The following ZNF572 variants were observed in gnomAD, a reference collection of about 807,000 sequenced individuals.
ZNF572 encodes the protein zinc finger protein 572.
ZNF572 carries 2 observed loss-of-function variants against 3.8 expected under a neutral mutation model. The observed-to-expected ratio is 0.52, with a 90% CI of 0.21 to 1.65. ZNF572 has a LOEUF of 1.65. Among genes scored for constraint, ZNF572 ranks in the 40% most tolerant of loss-of-function variants. The probability of loss-of-function intolerance (pLI) is 0.20; values close to 1 mark genes in which losing one functional copy is unlikely to be tolerated. For missense variants in ZNF572, 581 were observed against 633.4 expected, an observed-to-expected ratio of 0.92 and a Z score of 0.89; for synonymous variants, 187 against 204.5, an observed-to-expected ratio of 0.91 and a Z score of 0.73.
Position 124,977,934 on chromosome 8 carries a change from GCTATAAAGTTT to G in ZNF572, c.*79_*89del. The G allele has an allele frequency of 6.9e-7, 1 of 1,451,080 alleles. No individual in the cohort carries two copies. The highest frequency in any genetic ancestry group is 9.2e-7 in the Non-Finnish European group (1 of 1,089,944). The allele number at this position is 1,451,080 out of a possible 1,614,324, so 89.9% of individuals were successfully genotyped here. The stretch of plus-strand genomic sequence containing the variant: ...AATTTAGGTATTCTGTGATTGTTGT[GCTATAAAGTTT>G]CTTTGATGTGTTTGTCAAAACATTT... On this transcript the variant is annotated 3_prime_UTR_variant, in exon 3 of 3. Transcript: ENST00000319286.
chr8:124,976,931 T>C lies in ZNF572; in HGVS notation c.663T>C (p.Cys221=). 1 of 1,614,092 alleles carries C rather than the reference T, an allele frequency of 6.2e-7. No homozygotes were observed. Among genetic ancestry groups the C allele is most frequent in the Non-Finnish European group, 8.5e-7 (1 of 1,180,010 alleles). Residue 221 remains cysteine (C), a synonymous_variant, in exon 3 of 3, where the codon TGT becomes TGC. Transcript: ENST00000319286. The stretch of plus-strand genomic sequence containing the variant: ...AGAAACCCTACAAATGTCCCGAGTG[T>C]GGGAAGAGATTCAGCAGCAGCTCTC... ...TGEKPYKCPE[C]GKRFSSSSHL...
At chr8:124,974,158 G>T (rs1360866103) in intron 1 of ZNF572, among the ~76,000 whole-genome samples, 2 of 152,120 alleles carry the variant, frequency 1.3e-5, no homozygotes, top group African/African-American at 4.8e-5. Context: ...TTGTTAACAA[G>T]GTTTAGGAAT....
Position 124,977,986 on chromosome 8 carries a change from C to G in ZNF572, c.*128C>G. ...CAAAACATTTGGAAAAAGTCAACCT[C>G]CCAGTTTAAAGGATGGGAAGACCCC... On this transcript the variant is annotated 3_prime_UTR_variant, in exon 3 of 3. Transcript: ENST00000319286. 9.2e-7 allele frequency: 1 copy of G among 1,092,406 alleles called. No homozygotes were observed. Among genetic ancestry groups the G allele is most frequent in the Non-Finnish European group, 1.3e-6 (1 of 790,354 alleles). 67.7% of individuals were successfully genotyped at this position (1,092,406 alleles called of 1,614,324 possible). A position where few individuals can be genotyped will look rare whatever the true frequency, so the allele number is the denominator to read the frequency against.
At chr8:124,974,615 C>T (rs1814481024) in intron 1 of ZNF572, among the ~76,000 whole-genome samples, 1 of 152,174 alleles carries the variant, frequency 6.6e-6, no homozygotes, top group African/African-American at 2.4e-5. Flanking sequence ...TCTTTATATT[C>T]TGAAATGGAT....
chr8:124,976,588 A>G lies in ZNF572; in HGVS notation c.320A>G (p.Asn107Ser), dbSNP rs769438186. ...NFIAKEEEKP[N>S]HQEWDSGEHT... ...ATAGCTAAAGAGGAGGAAAAACCCA[A>G]TCACCAGGAATGGGACTCAGGAGAA... Residue 107 changes from asparagine to serine, a missense_variant, in exon 3 of 3, where the codon AAT becomes AGT. Asn to Ser is a conservative substitution (Grantham distance 46). Transcript: ENST00000319286. The G allele has an allele frequency of 1.2e-6, 2 of 1,614,164 alleles. No homozygotes were observed. Among genetic ancestry groups the G allele is most frequent in the East Asian group, 2.2e-5 (1 of 44,872 alleles).
Position 124,977,848 on chromosome 8 carries a change from C to T in ZNF572, c.1580C>T (p.Ser527Leu). ...PFISSFSVSN[S>L]SS Reference sequence around the variant, plus strand: ...ATCTCTTCATTTTCCGTCTCAAATTCATCTTCCTGAGTCCCAAAGCCTGGT... The same window carrying T: ...ATCTCTTCATTTTCCGTCTCAAATTTATCTTCCTGAGTCCCAAAGCCTGGT... The change falls in exon 3 of 3, where the codon TCA becomes TTA. Residue 527 changes from serine (S) to leucine (L), a missense_variant. By Grantham distance (145) the Ser-to-Leu change is moderately radical. Transcript: ENST00000319286. 6.3e-7 allele frequency: 1 copy of T among 1,578,460 alleles called. No individual in the cohort carries two copies. Among genetic ancestry groups the T allele is most frequent in the South Asian group, 1.2e-5 (1 of 84,644 alleles).
At position 124,977,893 on chromosome 8, in the gene ZNF572, C is replaced by G. The variant is rs1454486482; in HGVS notation, c.*35C>G. ...CCTGGTTGGTGATGGTTTTTTCTTCCTTGTTGGACCATGACAATTTAGGTA... is the reference window on the plus strand; with the variant it reads ...CCTGGTTGGTGATGGTTTTTTCTTCGTTGTTGGACCATGACAATTTAGGTA... On this transcript the variant is annotated 3_prime_UTR_variant, in exon 3 of 3. Coordinates refer to ENST00000319286, the MANE Select transcript of ZNF572 (RefSeq NM_152412.3). 3 of 1,521,720 alleles carry G rather than the reference C, an allele frequency of 2.0e-6. No individual in the cohort carries two copies. The highest frequency in any genetic ancestry group is 2.6e-6 in the Non-Finnish European group (3 of 1,136,924). 94.3% of individuals were successfully genotyped at this position (1,521,720 alleles called of 1,614,324 possible).
chr8:124,974,489 C>T (rs755122413), intron 1 of ZNF572, among the ~76,000 whole-genome samples: 1 of 152,208 alleles, frequency 6.6e-6, no homozygotes. Context: ...CTACCTGGCA[C>T]ATAATAGGCA....
At position 124,977,690 on chromosome 8, in the gene ZNF572, GA is replaced by G. The variant is rs769528074; in HGVS notation, c.1425del (p.Lys475AsnfsTer17). 74 of 1,614,246 alleles carry G rather than the reference GA, an allele frequency of 4.6e-5. No individual in the cohort carries two copies. The highest frequency in any genetic ancestry group is 6.0e-5 in the Non-Finnish European group (71 of 1,180,040). ...EKPYKCTSCE[K>X]CFSRSAYLSQ... is the part of the protein sequence containing the mutation. Reference sequence around the variant, plus strand: ...AACCTTACAAATGTACCAGCTGTGAGAAATGCTTCAGCAGAAGTGCCTACCT... The same window carrying G: ...AACCTTACAAATGTACCAGCTGTGAGAATGCTTCAGCAGAAGTGCCTACCT... On this transcript the variant is annotated frameshift_variant, in exon 3 of 3. Transcript: ENST00000319286. LOFTEE classifies it low-confidence loss of function (END_TRUNC).
chr8:124,974,893 G>A (rs1176167930), intron 1 of ZNF572, among the ~76,000 whole-genome samples: 1 of 151,992 alleles, frequency 6.6e-6, no homozygotes, highest in Non-Finnish European at 1.5e-5. Context: ...GGGTTTCACC[G>A]CATTAGCCAG....
chr8:124,975,821 C>T (rs1221795559), intron 2 of ZNF572, 102 bp downstream of exon 2: 1 of 859,098 alleles, frequency 1.2e-6, no homozygotes, highest in African/African-American at 1.7e-5. Flanking sequence ...TGTTCTGTCA[C>T]TTATAAGCTG....
rs773180411 is a variant in ZNF572, at chr8:124,975,678, A to T, written c.38A>T (p.Asn13Ile). The stretch of plus-strand genomic sequence containing the variant: ...AAAAAACTGTTGGTCTCAGATTCTA[A>T]CAGCTTTATGGAGAGGGAGAGTTTG... ...QEKKLLVSDS[N>I]SFMERESLKS... The change falls in exon 2 of 3, where the codon AAC (asparagine) becomes ATC (isoleucine). Residue 13 changes from asparagine to isoleucine, a missense_variant. Transcript: ENST00000319286. 6.2e-7 allele frequency: 1 copy of T among 1,613,888 alleles called. No individual in the cohort carries two copies. Among genetic ancestry groups the T allele is most frequent in the Non-Finnish European group, 8.5e-7 (1 of 1,179,948 alleles).
intron 1 of ZNF572, among the ~76,000 whole-genome samples, chr8:124,973,768 C>T (rs1347233723): frequency 6.6e-6 from 1 of 152,194 alleles, no homozygotes; most frequent in Non-Finnish European, 1.5e-5. Flanking sequence ...AGTGAAAACA[C>T]TCCTTCCCCG....
In ZNF572 at chr8:124,975,959, A is replaced by T. The variant is rs113653720; in HGVS notation, c.79+240A>T. Among the ~76,000 whole-genome samples the T allele has an allele frequency of 1.8e-3, 270 of 152,300 alleles. 1 individual carries two copies. Among genetic ancestry groups the T allele is most frequent in the African/African-American group, 6.3e-3 (262 of 41,578 alleles). Reference sequence around the variant, plus strand: ...TTCTTAATAAATAGTGGCTATTGTTATTTCTATAGCATTTGCTCAGATTTT... The same window carrying T: ...TTCTTAATAAATAGTGGCTATTGTTTTTTCTATAGCATTTGCTCAGATTTT... On this transcript the variant is annotated intron_variant, in intron 2 of 2. Coordinates refer to ENST00000319286, the MANE Select transcript of ZNF572 (RefSeq NM_152412.3).
In ZNF572 at chr8:124,978,610, C is replaced by T. The variant is rs1814546310; in HGVS notation, c.*752C>T. ...AAGTGTGTTCTGGAGGGTTTGCTCT[C>T]CAAAAAGAATTGTAATATAGAGTAG... On this transcript the variant is annotated 3_prime_UTR_variant, in exon 3 of 3. Coordinates refer to ENST00000319286, the MANE Select transcript of ZNF572 (RefSeq NM_152412.3). The T allele has an allele frequency of 6.6e-6, 1 of 152,140 alleles. No homozygotes were observed. The highest frequency in any genetic ancestry group is 1.9e-4 in the East Asian group (1 of 5,184). 9.4% of individuals were successfully genotyped at this position (152,140 alleles called of 1,614,324 possible).
At position 124,977,498 on chromosome 8, in the gene ZNF572, A is replaced by T. The variant is rs1814524894; in HGVS notation, c.1230A>T (p.Lys410Asn). Residue 410 changes from lysine to asparagine, a missense_variant, in exon 3 of 3, where the codon AAA becomes AAT. Transcript: ENST00000319286. ...IRHQRTHTGEKPYRCSECWKT... is the reference protein window; with the variant it reads ...IRHQRTHTGENPYRCSECWKT... ...ATCAGAGAACACATACAGGAGAAAA[A>T]CCTTACAGATGTTCTGAGTGCTGGA... is the stretch of plus-strand genomic sequence containing the variant. 4.3e-6 allele frequency: 7 copies of T among 1,614,136 alleles called. No individual in the cohort carries two copies. The East Asian group carries it at 1.6e-4, about 36-fold the overall frequency.
At chr8:124,975,861 T>C in intron 2 of ZNF572, 142 bp downstream of exon 2, 5 of 622,374 alleles carry the variant, frequency 8.0e-6, no homozygotes, top group East Asian at 2.7e-5. Context: ...ATTGTTCTCA[T>C]CTTTAAGAAA....
chr8:124,975,445 T>G (rs982342210), intron 1 of ZNF572, among the ~76,000 whole-genome samples, 161 bp from the exon 2 acceptor site: 32 of 152,232 alleles, frequency 2.1e-4, no homozygotes, highest in Non-Finnish European at 4.3e-4. Context: ...AGATCTGAGA[T>G]AAGATTTTCT....
At chr8:124,975,255 A>C (rs1814492332) in intron 1 of ZNF572, among the ~76,000 whole-genome samples, 1 of 152,040 alleles carries the variant, frequency 6.6e-6, no homozygotes, top group Non-Finnish European at 1.5e-5. Flanking sequence ...AGTCTTTATA[A>C]GTTTTATTAT....
Sources: gnomAD v4.1 joint callset for allele counts (sites outside exome capture counted in the v4.1 genomes callset) on GRCh38, gnomAD v4.1.1 for gene constraint, MANE v1.5 for transcripts, NCBI Gene and HGNC (gene_info 2026-07-23, HGNC 2026-07-21) for gene names.